The following STYX variants were observed in gnomAD, a reference collection of about 807,000 sequenced individuals.
STYX encodes the protein serine/threonine/tyrosine interacting protein, also known as serine/threonine/tyrosine-interacting protein.
A neutral mutation model predicts 42.7 loss-of-function variants in STYX; 20 were observed. That is an observed-to-expected ratio of 0.47 (90% CI 0.33 to 0.68). STYX has a LOEUF of 0.68. STYX is among the 30% of genes least tolerant of loss of function. STYX has a pLI of 0.02. For missense variants in STYX, 226 were observed against 268.5 expected, an observed-to-expected ratio of 0.84 and a Z score of 1.11; for synonymous variants, 78 against 81.9, an observed-to-expected ratio of 0.95 and a Z score of 0.26.
At chr14:52,733,629 A>G (rs1011373520) in intron 1 of STYX, among the ~76,000 whole-genome samples, 7 of 152,142 alleles carry the variant, frequency 4.6e-5, no homozygotes, top group Non-Finnish European at 1.0e-4. Context: ...AGGGAAGTAC[A>G]TTTACGGGTT....
chr14:52,771,199 G>GC lies in STYX; in HGVS notation c.*93_*94insC. 8.4e-7 allele frequency: 1 copy of GC among 1,192,694 alleles called. No individual in the cohort carries two copies. Among genetic ancestry groups the GC allele is most frequent in the Non-Finnish European group, 1.2e-6 (1 of 854,062 alleles). 73.9% of individuals were successfully genotyped at this position (1,192,694 alleles called of 1,614,324 possible). ...ATGTAAAATGGTAAAAACATAAGTA[G>GC]TTTTTTTTTCAATTACATGTTGCTT... On this transcript the variant is annotated 3_prime_UTR_variant, in exon 11 of 11. Coordinates refer to ENST00000354586, the MANE Select transcript of STYX (RefSeq NM_145251.4).
intron 8 of STYX, 112 bp downstream of exon 8, chr14:52,758,036 G>C (rs952419471): frequency 1.6e-6 from 2 of 1,213,692 alleles, no homozygotes; most frequent in Non-Finnish European, 2.3e-6. Flanking sequence ...TTTTCATGTA[G>C]TCATGTTTGA....
intron 4 of STYX, among the ~76,000 whole-genome samples, chr14:52,752,823 T>A (rs988510080): frequency 1.3e-5 from 2 of 151,156 alleles, no homozygotes; most frequent in Admixed American, 6.6e-5. Context: ...TCAGGGCCTG[T>A]GATGGTAGAG....
At chr14:52,756,486 A>AT (rs922594480) in intron 4 of STYX, 65 bp from the exon 5 acceptor site, 122 of 945,500 alleles carry the variant, frequency 1.3e-4, no homozygotes, top group Middle Eastern at 1.1e-3. Flanking sequence ...ATAATGAGTT[A>AT]TTTTTTTAAA....
intron 3 of STYX, among the ~76,000 whole-genome samples, chr14:52,747,923 T>C (rs1594870683): frequency 1.3e-5 from 2 of 152,034 alleles, no homozygotes. Flanking sequence ...ATCTGGGAGG[T>C]AGAAGTTGCA....
At chr14:52,755,215 C>T (rs561532932) in intron 4 of STYX, among the ~76,000 whole-genome samples, 3 of 151,810 alleles carry the variant, frequency 2.0e-5, no homozygotes, top group East Asian at 3.9e-4. Flanking sequence ...CTCTGCCTCC[C>T]GGGTTTAAGT....
At chr14:52,766,987 A>G (rs1882327399) in intron 9 of STYX, among the ~76,000 whole-genome samples, 1 of 152,026 alleles carries the variant, frequency 6.6e-6, no homozygotes, top group African/African-American at 2.4e-5. Flanking sequence ...CCTTGACCTC[A>G]CGAAACTTAT....
intron 1 of STYX, among the ~76,000 whole-genome samples, chr14:52,732,860 G>A (rs1025088173): frequency 1.3e-5 from 2 of 151,744 alleles, no homozygotes; most frequent in East Asian, 3.9e-4. Context: ...TAGTAGAGAC[G>A]GGGTTTCACC....
intron 3 of STYX, among the ~76,000 whole-genome samples, chr14:52,749,226 A>T (rs1176560649): frequency 2.0e-5 from 3 of 152,186 alleles, no homozygotes; most frequent in Non-Finnish European, 4.4e-5. Context: ...CAATCCTGTC[A>T]TGGAGGTTTC....
intron 1 of STYX, among the ~76,000 whole-genome samples, chr14:52,743,830 A>C (rs1218776252): frequency 6.6e-6 from 1 of 152,134 alleles, no homozygotes; most frequent in Non-Finnish European, 1.5e-5. Context: ...TATCTGTACT[A>C]TAGTATTTTT....
chr14:52,732,934 G>A (rs544538302), intron 1 of STYX, among the ~76,000 whole-genome samples: 87 of 152,228 alleles, frequency 5.7e-4, no homozygotes, highest in African/African-American at 2.0e-3. Context: ...GCCTCCCAAA[G>A]TGCTGGGATT....
rs963163368 is a variant in STYX, at chr14:52,771,825, A to G, written c.*719A>G. ...AACTACAGTTTCCATGATAAAAGGA[A>G]AACGTTTTGATTTATAGTACCAAGT... On this transcript the variant is annotated 3_prime_UTR_variant, in exon 11 of 11. Transcript: ENST00000354586. The G allele has an allele frequency of 2.0e-5, 3 of 152,490 alleles. No individual in the cohort carries two copies. Among genetic ancestry groups the G allele is most frequent in the African/African-American group, 7.2e-5 (3 of 41,444 alleles). 9.4% of individuals were successfully genotyped at this position (152,490 alleles called of 1,614,324 possible). A position where few individuals can be genotyped will look rare whatever the true frequency, so the allele number is the denominator to read the frequency against.
At chr14:52,734,164 C>G (rs995833259) in intron 1 of STYX, among the ~76,000 whole-genome samples, 3 of 152,226 alleles carry the variant, frequency 2.0e-5, no homozygotes, top group African/African-American at 7.2e-5. Context: ...TTCCCGTCTA[C>G]TGTGCAGAAA....
At chr14:52,763,992 G>T (rs1195441052) in intron 9 of STYX, among the ~76,000 whole-genome samples, 1 of 151,986 alleles carries the variant, frequency 6.6e-6, no homozygotes, top group African/African-American at 2.4e-5. Context: ...AAATTTCAGG[G>T]TTTTTTGTTG....
At chr14:52,757,186 C>T (rs1297617377) in intron 5 of STYX, 133 bp from the exon 6 acceptor site, 17 of 684,096 alleles carry the variant, frequency 2.5e-5, no homozygotes, top group Non-Finnish European at 3.9e-5. Flanking sequence ...CTATTTATAG[C>T]ATTTTGGAAA....
At chr14:52,741,080 G>A (rs1399644771) in intron 1 of STYX, among the ~76,000 whole-genome samples, 1 of 152,006 alleles carries the variant, frequency 6.6e-6, no homozygotes, top group Non-Finnish European at 1.5e-5. Context: ...TGAGTACTTC[G>A]TAGACTTTTA....
chr14:52,745,503 T>C (rs866043262), intron 2 of STYX, among the ~76,000 whole-genome samples: 12 of 152,342 alleles, frequency 7.9e-5, no homozygotes, highest in Middle Eastern at 3.4e-3. Context: ...TGAAAGCAGT[T>C]TGCTTTCTCT....
In STYX at chr14:52,756,607, C is replaced by G. The variant is rs770911068; in HGVS notation, c.299C>G (p.Pro100Arg). 1 of 1,463,278 alleles carries G rather than the reference C, an allele frequency of 6.8e-7. No homozygotes were observed. The allele number at this position is 1,463,278 out of a possible 1,614,324, so 90.6% of individuals were successfully genotyped here. A position where few individuals can be genotyped will look rare whatever the true frequency, so the allele number is the denominator to read the frequency against. ...GTTGAAAATATAATACGTTTTTTCC[C>G]TATGGTAGGTACCAGTATTTTTTAA... ...NPVENIIRFF[P>R]MTKEFIDGSL... Residue 100 changes from proline to arginine, a missense_variant, in exon 5 of 11, where the codon CCT (proline) becomes CGT (arginine). By Grantham distance (103) the Pro-to-Arg change is moderately radical. Transcript: ENST00000354586.
rs563479935 is a variant in STYX, at chr14:52,750,612, T to C, written c.145-71T>C. The C allele has an allele frequency of 1.3e-4, 128 of 1,002,420 alleles. No individual in the cohort carries two copies. In the Middle Eastern group the frequency reaches 2.3e-3, roughly 18 times the overall value. The allele number at this position is 1,002,420 out of a possible 1,614,324, so 62.1% of individuals were successfully genotyped here. A position where few individuals can be genotyped will look rare whatever the true frequency, so the allele number is the denominator to read the frequency against. On this transcript the variant is annotated intron_variant, in intron 3 of 10. Transcript: ENST00000354586. ...TGTATTTTCAAACATCTGTGTTATA[T>C]AGTAAGATGATGTTTGATATTTTAA...
Sources: allele counts gnomAD v4.1 joint callset (sites outside exome capture counted in the v4.1 genomes callset), GRCh38; gene constraint gnomAD v4.1.1; transcripts MANE v1.5; gene names NCBI Gene and HGNC (gene_info 2026-07-23, HGNC 2026-07-21).